TFDP1: variants seen among roughly 807,000 people sequenced by gnomAD.
TFDP1 encodes the protein DRTF1-polypeptide 1.
In TFDP1, 6 loss-of-function variants were observed where a neutral mutation model predicts 48.0. The ratio of observed to expected loss-of-function variants is 0.13; its 90% CI spans 0.07 to 0.25. The LOEUF is 0.25. Among genes scored for constraint, TFDP1 ranks in the 10% least tolerant of loss-of-function variants. TFDP1 has a pLI of 1.00. For synonymous variants in TFDP1, 201 were observed against 211.6 expected, an observed-to-expected ratio of 0.95 and a Z score of 0.44; for missense variants, 335 against 543.0, an observed-to-expected ratio of 0.62 and a Z score of 3.81.
chr13:113,609,700 C>T (rs1240156180), intron 2 of TFDP1, among the ~76,000 whole-genome samples: 1 of 152,110 alleles, frequency 6.6e-6, no homozygotes, highest in Non-Finnish European at 1.5e-5. Flanking sequence ...CTGGGTGGCA[C>T]CAGGGGGTTG....
At chr13:113,617,788 C>T (rs112757539) in intron 3 of TFDP1, among the ~76,000 whole-genome samples, 10,124 of 152,092 alleles carry the variant, frequency 0.067, 940 homozygotes, top group African/African-American at 0.21. Context: ...GCTCTGACAA[C>T]GTAAAGATGT....
chr13:113,611,838 CT>C (rs2048715835), intron 3 of TFDP1, among the ~76,000 whole-genome samples: 1 of 152,280 alleles, frequency 6.6e-6, no homozygotes, highest in South Asian at 2.1e-4. Context: ...GGGAGACAAG[CT>C]TGTGGAAGAG....
At chr13:113,618,855 A>G (rs906052547) in intron 3 of TFDP1, among the ~76,000 whole-genome samples, 3 of 152,264 alleles carry the variant, frequency 2.0e-5, no homozygotes, top group Non-Finnish European at 4.4e-5. Flanking sequence ...TCTGAAACAC[A>G]ATGTTGGCAG....
chr13:113,622,769 G>A (rs2049026513), intron 3 of TFDP1, among the ~76,000 whole-genome samples: 1 of 152,246 alleles, frequency 6.6e-6, no homozygotes, highest in Non-Finnish European at 1.5e-5. Context: ...CTAAGGAAAA[G>A]TGGATTATCA....
intron 2 of TFDP1, among the ~76,000 whole-genome samples, chr13:113,601,051 G>A (rs1333467349): frequency 6.6e-6 from 1 of 152,196 alleles, no homozygotes; most frequent in Non-Finnish European, 1.5e-5. Flanking sequence ...CCTTCACGCT[G>A]TCCTGGATCT....
At chr13:113,634,446 C>A in intron 7 of TFDP1, 88 bp from the exon 8 acceptor site, 1 of 1,055,474 alleles carries the variant, frequency 9.5e-7, no homozygotes, top group African/African-American at 1.6e-5. Flanking sequence ...ACATAGGTAA[C>A]ACTGTGAGGA....
At chr13:113,630,286 G>A (rs1449254737) in intron 4 of TFDP1, among the ~76,000 whole-genome samples, 1 of 152,130 alleles carries the variant, frequency 6.6e-6, no homozygotes, top group East Asian at 1.9e-4. Flanking sequence ...TGATTTCATG[G>A]CCTGGTGATC....
intron 2 of TFDP1, among the ~76,000 whole-genome samples, chr13:113,601,733 A>G (rs1224827676): frequency 6.6e-6 from 1 of 152,180 alleles, no homozygotes; most frequent in Non-Finnish European, 1.5e-5. Flanking sequence ...GGTGCTGGCT[A>G]TTTGTGGTGG....
At chr13:113,626,773 T>C (rs764153008) in intron 4 of TFDP1, among the ~76,000 whole-genome samples, 1 of 151,908 alleles carries the variant, frequency 6.6e-6, no homozygotes, top group Non-Finnish European at 1.5e-5. Context: ...AAAAATTCAG[T>C]TTTTGTTTTG....
At chr13:113,604,671 C>G (rs1594442586) in intron 2 of TFDP1, among the ~76,000 whole-genome samples, 1 of 152,214 alleles carries the variant, frequency 6.6e-6, no homozygotes, top group East Asian at 1.9e-4. Flanking sequence ...ACAGGTCCCA[C>G]TTAGCAGCCT....
intron 3 of TFDP1, among the ~76,000 whole-genome samples, chr13:113,615,560 C>A (rs1410134374): frequency 1.3e-5 from 2 of 152,174 alleles, no homozygotes; most frequent in African/African-American, 4.8e-5. Flanking sequence ...GCTTGTGCAC[C>A]TCCTGTACCT....
At chr13:113,594,029 C>T (rs2048219295) in intron 2 of TFDP1, among the ~76,000 whole-genome samples, 1 of 131,232 alleles carries the variant, frequency 7.6e-6, no homozygotes, top group African/African-American at 3.0e-5. Context: ...GTGCTGTGTG[C>T]AGGTCCTCAC....
rs998901967 is a variant in TFDP1, at chr13:113,631,570, C to T, written c.187-53C>T. The T allele has an allele frequency of 3.8e-6, 6 of 1,577,364 alleles. No individual in the cohort carries two copies. In the African/African-American group the frequency reaches 6.8e-5, roughly 18 times the overall value. ...TAGCGAACAGATGGTGGGCATGGCA[C>T]CCTCGCCGTGTGGGAGGGGACTGAC... is the stretch of plus-strand genomic sequence containing the variant. On this transcript the variant is annotated intron_variant, in intron 4 of 11. Transcript: ENST00000375370.
At position 113,598,460 on chromosome 13, in the gene TFDP1, C is replaced by T. The variant is rs2048336266; in HGVS notation, c.13-12536C>T. On this transcript the variant is annotated intron_variant, in intron 2 of 11. Coordinates refer to ENST00000375370, the MANE Select transcript of TFDP1 (RefSeq NM_007111.5). The surrounding 1 kb of genome is among the most constrained non-coding windows in gnomAD (Gnocchi z 4.2). ...GGTGCCTGCCTTCCAAGTGTCTGCT[C>T]ATGAGTGGATGGGCCCCACCCTCTG... Among the ~76,000 whole-genome samples, 1 of 152,184 alleles carries T rather than the reference C, an allele frequency of 6.6e-6. No individual in the cohort carries two copies. The highest frequency in any genetic ancestry group is 6.5e-5 in the Admixed American group (1 of 15,284).
At chr13:113,631,769 A>T (rs750445704) in intron 5 of TFDP1, 25 bp downstream of exon 5, 1 of 1,612,620 alleles carries the variant, frequency 6.2e-7, no homozygotes, top group Non-Finnish European at 8.5e-7. Flanking sequence ...CTGGACCCTT[A>T]GAGTTGTAGG....
In TFDP1 at chr13:113,627,324, C is replaced by A. The variant is rs189000260; in HGVS notation, c.186+4038C>A. On this transcript the variant is annotated intron_variant, in intron 4 of 11. Coordinates refer to ENST00000375370, the MANE Select transcript of TFDP1 (RefSeq NM_007111.5). This position sits in a 1 kb window ranked among gnomAD's most constrained non-coding sequence, Gnocchi z 4.1. The stretch of plus-strand genomic sequence containing the variant: ...CTCAGCACGCGCACAGGAACGTGTG[C>A]GGGACAGAGGACATATGTGCTCAGC... Among the ~76,000 whole-genome samples the A allele has an allele frequency of 1.3e-5, 2 of 152,110 alleles. No homozygotes were observed. The highest frequency in any genetic ancestry group is 6.5e-5 in the Admixed American group (1 of 15,270).
rs1566655468 is a variant in TFDP1 at position 113,613,595 on chromosome 13, TGTGTATG to T, written c.79+2534_79+2540del. Among the ~76,000 whole-genome samples the T allele has an allele frequency of 1.3e-3, 188 of 146,540 alleles. 14 individuals are homozygous for T. Among genetic ancestry groups the T allele is most frequent in the East Asian group, 4.3e-3 (22 of 5,064 alleles). On this transcript the variant is annotated intron_variant, in intron 3 of 11. Transcript: ENST00000375370. ...GAGTGTGTGTGTGCATGAGTGTGTG[TGTGTATG>T]CGTGAATGCGTGGGTATGTGAGGAG...
chr13:113,624,582 TCA>T (rs1397131745), intron 4 of TFDP1, among the ~76,000 whole-genome samples: 4 of 144,222 alleles, frequency 2.8e-5, no homozygotes, highest in African/African-American at 1.0e-4. Flanking sequence ...AGGGTATCTC[TCA>T]CATGTCCTCA....
chr13:113,609,619 G>C (rs549995899), intron 2 of TFDP1, among the ~76,000 whole-genome samples: 25 of 152,082 alleles, frequency 1.6e-4, no homozygotes, highest in African/African-American at 5.8e-4. Context: ...TGTGTCCCCT[G>C]ACTGTTACCT....
Sources: allele counts gnomAD v4.1 joint callset (sites outside exome capture counted in the v4.1 genomes callset), GRCh38; gene constraint gnomAD v4.1.1; non-coding constraint Gnocchi (gnomAD v3.1); transcripts MANE v1.5; gene names NCBI Gene and HGNC (gene_info 2026-07-23, HGNC 2026-07-21).